The following NSD3 variants were observed in gnomAD, a reference collection of about 807,000 sequenced individuals.
The protein encoded by NSD3 is nuclear receptor binding SET domain protein 3.
NSD3 carries 24 observed loss-of-function variants against 160.8 expected under a neutral mutation model. The ratio of observed to expected loss-of-function variants is 0.15; its 90% confidence interval spans 0.11 to 0.21. The LOEUF is 0.21. Among genes scored for constraint, NSD3 ranks in the 10% least tolerant of loss-of-function variants. NSD3 has a pLI of 1.00. For missense variants in NSD3, 1,157 were observed against 1,735.9 expected (o/e 0.67, Z 5.93); for synonymous variants, 520 against 600.0 (o/e 0.87, Z 1.95).
chr8:38,375,642 A>G lies in NSD3; in HGVS notation c.-45+6157T>C, dbSNP rs571429611. On this transcript the variant is annotated intron_variant, in intron 1 of 23. Coordinates refer to ENST00000317025, the MANE Select transcript of NSD3 (RefSeq NM_023034.2). Reference sequence around the variant, plus strand: ...CAATTTCTTACATTTGTCCTTGTTAATATAACAATATAAGTATAATTATTT... The same window carrying G: ...CAATTTCTTACATTTGTCCTTGTTAGTATAACAATATAAGTATAATTATTT... Among the ~76,000 whole-genome samples the G allele has an allele frequency of 9.9e-5, 15 of 152,084 alleles. No individual in the cohort carries two copies. The East Asian group carries it at 2.9e-3, about 29-fold the overall frequency.
chr8:38,281,410 A>G lies in NSD3; in HGVS notation c.3618+57T>C, dbSNP rs146370614. 1,079 of 958,758 alleles carry G rather than the reference A, an allele frequency of 1.1e-3. 7 individuals carry two copies. In the African/African-American group the frequency reaches 0.016, roughly 14 times the overall value. 59.4% of individuals were successfully genotyped at this position (958,758 alleles called of 1,614,324 possible). A position where few individuals can be genotyped will look rare whatever the true frequency, so the allele number is the denominator to read the frequency against. ...AAGAAACTGAGTTCAAATTAAGACT[A>G]TGAAACAAAAACAAAAACAAATCCC... On this transcript the variant is annotated intron_variant, in intron 20 of 23. Coordinates refer to ENST00000317025, the MANE Select transcript of NSD3 (RefSeq NM_023034.2).
At position 38,317,561 on chromosome 8, in the gene NSD3, AT is replaced by A. The variant is rs779170951; in HGVS notation, c.1855+1333del. ...TGTTCTCCATGATAACGGCACTAAT[AT>A]TAAAAAAAATAAGAACTTTTAATGA... On this transcript the variant is annotated intron_variant, in intron 9 of 23. Transcript: ENST00000317025. This position sits in a 1 kb window ranked among gnomAD's most constrained non-coding sequence, Gnocchi z 5.3. 1.9e-6 allele frequency: 2 copies of A among 1,070,798 alleles called. No individual in the cohort carries two copies. Among genetic ancestry groups the A allele is most frequent in the Non-Finnish European group, 1.1e-6 (1 of 882,646 alleles). The allele number at this position is 1,070,798 out of a possible 1,614,324, so 66.3% of individuals were successfully genotyped here.
At chr8:38,313,736 C>T (rs949179033) in intron 12 of NSD3, among the ~76,000 whole-genome samples, 15 of 148,554 alleles carry the variant, frequency 1.0e-4, no homozygotes, top group African/African-American at 3.2e-4. Flanking sequence ...TGCGGTGAGC[C>T]TAGATTGTGC....
intron 1 of NSD3, 47 bp from the exon 2 acceptor site, chr8:38,348,262 G>A: frequency 7.1e-7 from 1 of 1,406,980 alleles, no homozygotes; most frequent in Non-Finnish European, 9.5e-7. Context: ...ATTCTCATAG[G>A]CTAGAGGCTA....
In NSD3 at chr8:38,312,224, CCT is replaced by C. The variant is rs372880109; in HGVS notation, c.2242+2421_2242+2422del. ...TACTTTCAAATGAGGAAATGTGAGT[CCT>C]CTGACTTTGTTCTACCCAACTGTTT... On this transcript the variant is annotated intron_variant, in intron 12 of 23. Coordinates refer to ENST00000317025, the MANE Select transcript of NSD3 (RefSeq NM_023034.2). Among the ~76,000 whole-genome samples the C allele has an allele frequency of 5.2e-3, 797 of 152,216 alleles. 3 individuals are homozygous for C. The highest frequency in any genetic ancestry group is 0.018 in the African/African-American group (761 of 41,538).
At chr8:38,283,267 G>A (rs1755617485) in intron 19 of NSD3, among the ~76,000 whole-genome samples, 1 of 152,084 alleles carries the variant, frequency 6.6e-6, no homozygotes, top group South Asian at 2.1e-4. Context: ...CAAAAGCACT[G>A]CTCATTCAAT....
intron 19 of NSD3, among the ~76,000 whole-genome samples, chr8:38,283,865 G>A (rs746589281): frequency 4.6e-5 from 7 of 152,214 alleles, no homozygotes; most frequent in Admixed American, 2.6e-4. Flanking sequence ...CACTTTGGGA[G>A]GCTGAGGCAG....
At chr8:38,343,315 T>C (rs916916643) in intron 2 of NSD3, among the ~76,000 whole-genome samples, 2 of 152,154 alleles carry the variant, frequency 1.3e-5, no homozygotes, top group Admixed American at 6.5e-5. Context: ...AAAAAACTGA[T>C]GTCAACATTA....
chr8:38,343,254 A>G (rs1810423296), intron 2 of NSD3, among the ~76,000 whole-genome samples: 1 of 152,156 alleles, frequency 6.6e-6, no homozygotes, highest in Non-Finnish European at 1.5e-5. Context: ...TAATAATATT[A>G]CTTATATAAA....
At position 38,321,198 on chromosome 8, in the gene NSD3, C is replaced by T; in HGVS notation, c.1709-26G>A. 6.3e-7 allele frequency: 1 copy of T among 1,587,664 alleles called. No homozygotes were observed. The highest frequency in any genetic ancestry group is 8.6e-7 in the Non-Finnish European group (1 of 1,164,318). On this transcript the variant is annotated intron_variant, in intron 7 of 23. Coordinates refer to ENST00000317025, the MANE Select transcript of NSD3 (RefSeq NM_023034.2). This position sits in a 1 kb window ranked among gnomAD's most constrained non-coding sequence, Gnocchi z 4.7. Reference sequence around the variant, plus strand: ...CTAAGAAATGATTTAAACACACAAACAAAAACTCACTTAAGGATACCTTGA... The same window carrying T: ...CTAAGAAATGATTTAAACACACAAATAAAAACTCACTTAAGGATACCTTGA...
rs756779709 is a variant in NSD3, at chr8:38,289,396, G to A, written c.3228C>T (p.Ile1076=). 6 of 1,611,154 alleles carry A rather than the reference G, an allele frequency of 3.7e-6. No homozygotes were observed. Among genetic ancestry groups the A allele is most frequent in the East Asian group, 4.5e-5 (2 of 44,852 alleles). ...NSRKPPPYKH[I]KANKVIGKVQ... ...CAGGCCAGAGATAAAGACTTACTTT[G>A]ATGTGTTTGTAGGGAGGGGGTTTTC... Residue 1076 remains isoleucine, a synonymous_variant, in exon 18 of 24, where the codon ATC becomes ATT. Coordinates refer to ENST00000317025, the MANE Select transcript of NSD3 (RefSeq NM_023034.2).
chr8:38,282,149 A>G (rs1163127796), intron 19 of NSD3, among the ~76,000 whole-genome samples: 1 of 152,172 alleles, frequency 6.6e-6, no homozygotes, highest in Non-Finnish European at 1.5e-5. Context: ...CTTTACTCAG[A>G]TTTTACCAAT....
At chr8:38,276,249 T>C (rs757058439) in intron 23 of NSD3, 47 bp downstream of exon 23, 4 of 1,587,102 alleles carry the variant, frequency 2.5e-6, no homozygotes, top group Admixed American at 3.4e-5. Flanking sequence ...TTACACATAG[T>C]TGGCAAAGAC....
intron 1 of NSD3, among the ~76,000 whole-genome samples, chr8:38,380,371 G>A (rs1033840469): frequency 1.3e-5 from 2 of 152,128 alleles, no homozygotes; most frequent in Non-Finnish European, 2.9e-5. Context: ...CGGACACAGC[G>A]CTTTGCCAAG....
At chr8:38,310,012 TA>T in intron 12 of NSD3, among the ~76,000 whole-genome samples, 1 of 152,342 alleles carries the variant, frequency 6.6e-6, no homozygotes, top group African/African-American at 2.4e-5. Context: ...TGTCATTAAT[TA>T]AAAGCACTTA....
At chr8:38,337,915 G>A (rs1342287143) in intron 3 of NSD3, among the ~76,000 whole-genome samples, 1 of 152,116 alleles carries the variant, frequency 6.6e-6, no homozygotes, top group Non-Finnish European at 1.5e-5. Context: ...CTAGCAAAAG[G>A]GAAGGAGGAA....
intron 1 of NSD3, among the ~76,000 whole-genome samples, chr8:38,368,802 G>A (rs1017841238): frequency 1.3e-5 from 2 of 152,176 alleles, no homozygotes; most frequent in African/African-American, 4.8e-5. Context: ...TACAGCAAGG[G>A]TAGTTGCTCA....
At chr8:38,359,641 CTAATCT>C (rs1235747952) in intron 1 of NSD3, among the ~76,000 whole-genome samples, 1 of 152,206 alleles carries the variant, frequency 6.6e-6, no homozygotes, top group Non-Finnish European at 1.5e-5. Context: ...TCGATAGGAT[CTAATCT>C]AGCCCTCACT....
intron 3 of NSD3, among the ~76,000 whole-genome samples, chr8:38,338,257 G>A (rs1036195681): frequency 4.0e-5 from 6 of 148,450 alleles, no homozygotes; most frequent in Non-Finnish European, 7.4e-5. Context: ...TCGAGATTGC[G>A]CCACTGCACT....
Sources: gnomAD v4.1 joint callset for allele counts (sites outside exome capture counted in the v4.1 genomes callset) on GRCh38, gnomAD v4.1.1 for gene constraint, Gnocchi (gnomAD v3.1) non-coding constraint, MANE v1.5 for transcripts, NCBI Gene and HGNC (gene_info 2026-07-23, HGNC 2026-07-21) for gene names.